Variants in SPPL3 observed in about 807,000 individuals in gnomAD.
SPPL3 encodes the protein signal peptide peptidase-like 3.
SPPL3 carries 5 observed loss-of-function variants against 42.4 expected under a neutral mutation model. The ratio of observed to expected loss-of-function variants is 0.12; its 90% confidence interval spans 0.06 to 0.25. The LOEUF (loss-of-function observed/expected upper bound fraction) is 0.25, where lower values mean the gene tolerates loss of function less well. Ranked by LOEUF, SPPL3 falls within the 10% of genes least tolerant of loss-of-function variation. The pLI, the probability that SPPL3 is intolerant of heterozygous loss-of-function variation, is 1.00. For missense variants in SPPL3, 235 were observed against 489.0 expected, an observed-to-expected ratio of 0.48 and a Z score of 4.90; for synonymous variants, 195 against 181.8, an observed-to-expected ratio of 1.07 and a Z score of -0.58.
At chr12:120,788,877 T>TC (rs1350171295) in intron 3 of SPPL3, among the ~76,000 whole-genome samples, 9 of 152,198 alleles carry the variant, frequency 5.9e-5, no homozygotes, top group African/African-American at 2.2e-4. Flanking sequence ...CACCTACACC[T>TC]CTCTGTTTCT....
At chr12:120,816,510 T>C (rs945615553) in intron 1 of SPPL3, among the ~76,000 whole-genome samples, 1 of 152,220 alleles carries the variant, frequency 6.6e-6, no homozygotes, top group African/African-American at 2.4e-5. Context: ...TTATAAAAGT[T>C]TTTGTTGTTG....
intron 1 of SPPL3, among the ~76,000 whole-genome samples, chr12:120,863,044 T>A (rs1872656060): frequency 6.6e-6 from 1 of 152,130 alleles, no homozygotes; most frequent in Non-Finnish European, 1.5e-5. Context: ...AAAGACCAAA[T>A]ATATATTTAT....
chr12:120,773,936 A>G (rs1869215920), intron 6 of SPPL3, among the ~76,000 whole-genome samples: 1 of 152,132 alleles, frequency 6.6e-6, no homozygotes, highest in South Asian at 2.1e-4. Flanking sequence ...TTTGCCATAG[A>G]ATCACTTCAT....
intron 1 of SPPL3, among the ~76,000 whole-genome samples, chr12:120,836,400 C>CAACT (rs923701235): frequency 1.3e-4 from 20 of 152,204 alleles, no homozygotes; most frequent in African/African-American, 4.8e-4. Flanking sequence ...TAGCAGAAGA[C>CAACT]AACTACATGA....
intron 1 of SPPL3, among the ~76,000 whole-genome samples, chr12:120,811,964 G>C (rs1317299039): frequency 1.3e-5 from 2 of 152,102 alleles, no homozygotes; most frequent in East Asian, 3.9e-4. Context: ...AAGAACAGGG[G>C]AGCTTTCCTT....
rs548195815 is a variant in SPPL3, at chr12:120,891,766, T to C, written c.23+12079A>G. Reference sequence around the variant, plus strand: ...AAAAAAAAAAAAAAAAGCAGCTGAGTGTCTCCACTTTAGGAAACAAGTAAT... The same window carrying C: ...AAAAAAAAAAAAAAAAGCAGCTGAGCGTCTCCACTTTAGGAAACAAGTAAT... On this transcript the variant is annotated intron_variant, in intron 1 of 10. Coordinates refer to ENST00000353487, the MANE Select transcript of SPPL3 (RefSeq NM_139015.5). Among the ~76,000 whole-genome samples, 36 of 148,896 alleles carry C rather than the reference T, an allele frequency of 2.4e-4. No homozygotes were observed. In the East Asian group the frequency reaches 7.0e-3, roughly 29 times the overall value.
At chr12:120,880,786 C>T (rs1219619562) in intron 1 of SPPL3, among the ~76,000 whole-genome samples, 3 of 150,312 alleles carry the variant, frequency 2.0e-5, no homozygotes, top group South Asian at 2.1e-4. Flanking sequence ...GACTCCGTCT[C>T]GGGGGAAAAA....
intron 1 of SPPL3, among the ~76,000 whole-genome samples, chr12:120,835,072 T>TC (rs1270988924): frequency 5.3e-5 from 8 of 152,182 alleles, no homozygotes; most frequent in Non-Finnish European, 1.2e-4. Flanking sequence ...TTATATTACC[T>TC]CTCTGCATAC....
chr12:120,896,499 G>C (rs1008932120), intron 1 of SPPL3, among the ~76,000 whole-genome samples: 32 of 152,180 alleles, frequency 2.1e-4, no homozygotes, highest in Non-Finnish European at 1.5e-4. Flanking sequence ...AAGTTGGCCA[G>C]GCATGGTGCC....
At chr12:120,815,144 A>G (rs1369025106) in intron 1 of SPPL3, among the ~76,000 whole-genome samples, 2 of 152,146 alleles carry the variant, frequency 1.3e-5, no homozygotes, top group Non-Finnish European at 2.9e-5. Context: ...ACATTCCTCA[A>G]AGTCAGATTG....
At chr12:120,879,914 C>T (rs539049013) in intron 1 of SPPL3, among the ~76,000 whole-genome samples, 20 of 151,708 alleles carry the variant, frequency 1.3e-4, no homozygotes, top group African/African-American at 4.8e-4. Flanking sequence ...AAGTTGCAAT[C>T]TGCCCTAAAA....
chr12:120,769,269 C>T, intron 6 of SPPL3: 1 of 483,682 alleles, frequency 2.1e-6, no homozygotes, highest in Non-Finnish European at 3.8e-6. Flanking sequence ...GATTGCTTTC[C>T]TCCTCCTAGA....
intron 1 of SPPL3, among the ~76,000 whole-genome samples, chr12:120,836,079 C>G (rs1452489184): frequency 6.6e-6 from 1 of 152,072 alleles, no homozygotes; most frequent in Non-Finnish European, 1.5e-5. Context: ...CATGTGCCAT[C>G]ATTTCTGTAA....
At chr12:120,839,797 C>T (rs1871746280) in intron 1 of SPPL3, among the ~76,000 whole-genome samples, 1 of 152,014 alleles carries the variant, frequency 6.6e-6, no homozygotes, top group African/African-American at 2.4e-5. Context: ...TATGACCCAG[C>T]AATCCCACTC....
chr12:120,861,995 A>ATTGTTTACTAT (rs1156992176), intron 1 of SPPL3, among the ~76,000 whole-genome samples: 1 of 152,206 alleles, frequency 6.6e-6, no homozygotes, highest in African/African-American at 2.4e-5. Context: ...AATAGTAAAT[A>ATTGTTTACTAT]AGTGAACATG....
chr12:120,853,976 G>GCACA lies in SPPL3; in HGVS notation c.24-43094_24-43091dup, dbSNP rs1246999754. Reference sequence around the variant, plus strand: ...CAAACACCACCACCACCACACACACGCACACATACACACACACACACACAC... The same window carrying GCACA: ...CAAACACCACCACCACCACACACACGCACACACACATACACACACACACACACAC... On this transcript the variant is annotated intron_variant, in intron 1 of 10. Coordinates refer to ENST00000353487, the MANE Select transcript of SPPL3 (RefSeq NM_139015.5). 4.2e-4 allele frequency among the ~76,000 whole-genome samples: 27 copies of GCACA among 64,188 alleles called. No individual in the cohort carries two copies. The South Asian group carries it at 4.4e-3, about 11-fold the overall frequency. The allele number at this position is 64,188 out of a possible 152,430, so 42.1% of individuals were successfully genotyped here.
intron 2 of SPPL3, among the ~76,000 whole-genome samples, chr12:120,807,124 G>T (rs1045924901): frequency 1.3e-5 from 2 of 152,060 alleles, no homozygotes; most frequent in Admixed American, 6.6e-5. Flanking sequence ...TTTCACCAAA[G>T]AAGATAAACG....
At chr12:120,862,261 T>C (rs897452178) in intron 1 of SPPL3, among the ~76,000 whole-genome samples, 2 of 152,218 alleles carry the variant, frequency 1.3e-5, no homozygotes, top group Non-Finnish European at 2.9e-5. Context: ...TTAACACTTC[T>C]GACACCAAAT....
At chr12:120,778,698 T>C (rs980125521) in intron 6 of SPPL3, among the ~76,000 whole-genome samples, 3 of 152,244 alleles carry the variant, frequency 2.0e-5, no homozygotes, top group Non-Finnish European at 2.9e-5. Context: ...TGCTAGTTTA[T>C]TTCCACAGAA....
Sources: allele counts gnomAD v4.1 joint callset (sites outside exome capture counted in the v4.1 genomes callset), GRCh38; gene constraint gnomAD v4.1.1; transcripts MANE v1.5; gene names NCBI Gene and HGNC (gene_info 2026-07-23, HGNC 2026-07-21).